The following IMMP2L variants were observed in gnomAD, a reference collection of about 807,000 sequenced individuals.
The protein encoded by IMMP2L is inner mitochondrial membrane peptidase subunit 2.
IMMP2L carries 18 observed loss-of-function variants against 19.3 expected under a neutral mutation model. The ratio of observed to expected loss-of-function variants is 0.93; its 90% CI spans 0.64 to 1.38. The LOEUF is 1.38. Among genes scored for constraint, IMMP2L ranks in the 40% most tolerant of loss-of-function variants. The probability of loss-of-function intolerance (pLI) is 0.00; values close to 1 mark genes in which losing one functional copy is unlikely to be tolerated. For synonymous variants in IMMP2L, 76 were observed against 73.0 expected (o/e 1.04, Z -0.21); for missense variants, 233 against 218.2 (o/e 1.07, Z -0.43).
chr7:111,260,674 G>T (rs924102471), intron 3 of IMMP2L, among the ~76,000 whole-genome samples: 1 of 151,872 alleles, frequency 6.6e-6, no homozygotes, highest in African/African-American at 2.4e-5. Flanking sequence ...ACTGGGTTGT[G>T]GTACTTTAGA....
In IMMP2L at chr7:111,258,494, C is replaced by T. The variant is rs976810483; in HGVS notation, c.239+228744G>A. 2.0e-4 allele frequency among the ~76,000 whole-genome samples: 31 copies of T among 152,090 alleles called. No individual in the cohort carries two copies. In the Middle Eastern group the frequency reaches 0.01, roughly 50 times the overall value. On this transcript the variant is annotated intron_variant, in intron 3 of 5. Coordinates refer to ENST00000405709, the MANE Select transcript of IMMP2L (RefSeq NM_032549.4). ...AAAATACTGGTTTTATGAAGAAAAG[C>T]ATTTTTTAATTTTACTTTTTTTATT...
At chr7:110,934,484 G>A (rs1815856914) in intron 4 of IMMP2L, among the ~76,000 whole-genome samples, 1 of 152,068 alleles carries the variant, frequency 6.6e-6, no homozygotes, top group Admixed American at 6.6e-5. Context: ...ATGTCTGTGG[G>A]CTCTAACTTT....
At chr7:111,366,204 A>T (rs1223275516) in intron 3 of IMMP2L, among the ~76,000 whole-genome samples, 2 of 152,024 alleles carry the variant, frequency 1.3e-5, no homozygotes, top group Non-Finnish European at 2.9e-5. Context: ...CCAGATAAAT[A>T]CTGAGAGCTT....
At chr7:111,541,532 T>G (rs990813048) in intron 1 of IMMP2L, among the ~76,000 whole-genome samples, 6 of 152,188 alleles carry the variant, frequency 3.9e-5, no homozygotes, top group Non-Finnish European at 8.8e-5. Flanking sequence ...GAAGGTTGTT[T>G]TCATCTTAAA....
At chr7:110,799,743 T>A (rs1030620193) in intron 5 of IMMP2L, among the ~76,000 whole-genome samples, 6 of 152,098 alleles carry the variant, frequency 3.9e-5, no homozygotes, top group African/African-American at 1.4e-4. Flanking sequence ...GGTAGCCTTT[T>A]CAGGCAAAGT....
At chr7:111,407,006 T>C (rs553672925) in intron 3 of IMMP2L, among the ~76,000 whole-genome samples, 20 of 152,192 alleles carry the variant, frequency 1.3e-4, no homozygotes, top group African/African-American at 4.8e-4. Context: ...GACATATACA[T>C]AATGAAATTC....
chr7:111,474,451 A>G (rs1000396443), intron 3 of IMMP2L, among the ~76,000 whole-genome samples: 6 of 151,990 alleles, frequency 3.9e-5, no homozygotes, highest in Non-Finnish European at 8.8e-5. Flanking sequence ...TTCAAAGATA[A>G]CTGCAGGAGG....
chr7:110,687,502 A>C (rs1793196133), intron 5 of IMMP2L, among the ~76,000 whole-genome samples: 1 of 152,090 alleles, frequency 6.6e-6, no homozygotes, highest in African/African-American at 2.4e-5. Context: ...ATAAATAATG[A>C]CATTCCCTTA....
At chr7:110,887,736 A>C (rs1719114042) in intron 4 of IMMP2L, among the ~76,000 whole-genome samples, 2 of 151,510 alleles carry the variant, frequency 1.3e-5, no homozygotes, top group African/African-American at 4.8e-5. Context: ...TGGGGCAGAG[A>C]CTGCTTTTTT....
chr7:111,149,558 A>G (rs1176788332), intron 3 of IMMP2L, among the ~76,000 whole-genome samples: 7 of 152,202 alleles, frequency 4.6e-5, no homozygotes, highest in Admixed American at 3.3e-4. Flanking sequence ...TTATACATTC[A>G]TGACATACCT....
intron 5 of IMMP2L, among the ~76,000 whole-genome samples, chr7:110,861,151 C>T (rs1207981329): frequency 9.5e-6 from 1 of 105,694 alleles, no homozygotes; most frequent in Non-Finnish European, 2.1e-5. Flanking sequence ...GAGACAGAGA[C>T]AGAGAGACAG....
At chr7:111,120,708 T>C (rs958329105) in intron 3 of IMMP2L, among the ~76,000 whole-genome samples, 18 of 152,324 alleles carry the variant, frequency 1.2e-4, no homozygotes, top group Non-Finnish European at 1.2e-4. Context: ...CTTAATCTTC[T>C]CTGAATACTG....
At chr7:111,394,289 T>C (rs1411051338) in intron 3 of IMMP2L, among the ~76,000 whole-genome samples, 2 of 152,262 alleles carry the variant, frequency 1.3e-5, no homozygotes, top group East Asian at 3.9e-4. Flanking sequence ...ACCTCAGATA[T>C]AACCTATGTA....
intron 3 of IMMP2L, among the ~76,000 whole-genome samples, chr7:110,996,199 C>T (rs1021613567): frequency 2.0e-5 from 3 of 152,024 alleles, no homozygotes; most frequent in African/African-American, 7.2e-5. Context: ...TGACCTAGTT[C>T]GGAAAATCAG....
At chr7:111,254,539 A>G (rs561116915) in intron 3 of IMMP2L, among the ~76,000 whole-genome samples, 90 of 152,264 alleles carry the variant, frequency 5.9e-4, no homozygotes, top group African/African-American at 2.0e-3. Flanking sequence ...TCTGGGGCAG[A>G]CTGTCAGAAT....
chr7:111,374,359 A>G (rs1830501520), intron 3 of IMMP2L, among the ~76,000 whole-genome samples: 1 of 152,082 alleles, frequency 6.6e-6, no homozygotes, highest in Non-Finnish European at 1.5e-5. Flanking sequence ...AAAGTTAATG[A>G]ATGGAAAGAC....
At chr7:111,380,262 AAAGTT>A (rs1831071682) in intron 3 of IMMP2L, among the ~76,000 whole-genome samples, 1 of 151,950 alleles carries the variant, frequency 6.6e-6, no homozygotes, top group Non-Finnish European at 1.5e-5. Flanking sequence ...CTCTATATTC[AAAGTT>A]AGATATTTAA....
chr7:110,724,992 C>T (rs986669170), intron 5 of IMMP2L, among the ~76,000 whole-genome samples: 1 of 152,118 alleles, frequency 6.6e-6, no homozygotes, highest in South Asian at 2.1e-4. Flanking sequence ...AGGGCTGAGA[C>T]TGAGGGAGTA....
chr7:110,713,427 G>C (rs1429656265), intron 5 of IMMP2L, among the ~76,000 whole-genome samples: 5 of 152,130 alleles, frequency 3.3e-5, no homozygotes, highest in Admixed American at 3.3e-4. Context: ...TTTTAAAATA[G>C]ATTTTTCTGA....
Sources: allele counts gnomAD v4.1 joint callset (sites outside exome capture counted in the v4.1 genomes callset), GRCh38; gene constraint gnomAD v4.1.1; transcripts MANE v1.5; gene names NCBI Gene and HGNC (gene_info 2026-07-23, HGNC 2026-07-21).